Variants in LMF1 observed in about 807,000 individuals in gnomAD.
The protein encoded by LMF1 is transmembrane protein 112.
A neutral mutation model predicts 60.6 loss-of-function variants in LMF1; 68 were observed. The observed-to-expected ratio is 1.12, with a 90% CI of 0.92 to 1.37. The LOEUF (loss-of-function observed/expected upper bound fraction) is 1.37. LMF1 is among the 40% of genes most tolerant of loss of function. The pLI is 0.00. For synonymous variants in LMF1, 418 were observed against 324.7 expected, an observed-to-expected ratio of 1.29 and a Z score of -3.09; for missense variants, 948 against 767.2, an observed-to-expected ratio of 1.24 and a Z score of -2.78.
At chr16:858,972 T>C (rs556304764) in intron 10 of LMF1, among the ~76,000 whole-genome samples, 23 of 84,132 alleles carry the variant, frequency 2.7e-4, no homozygotes, top group African/African-American at 1.5e-3. Context: ...TGCAGTGGTG[T>C]CACGGGACGG....
chr16:953,200 T>C (rs796869180), intron 2 of LMF1, among the ~76,000 whole-genome samples: 2,570 of 36,664 alleles, frequency 0.07, 3 homozygotes, highest in Admixed American at 0.072. Flanking sequence ...GCCTCCTACA[T>C]GTCCACACAG....
At chr16:970,257 G>A (rs2073012844) in intron 1 of LMF1, among the ~76,000 whole-genome samples, 1 of 152,240 alleles carries the variant, frequency 6.6e-6, no homozygotes, top group Non-Finnish European at 1.5e-5. Context: ...TCGGATTTTG[G>A]CAGGGGCCGC....
chr16:863,245 A>G (rs531582748), intron 10 of LMF1, among the ~76,000 whole-genome samples: 2 of 152,254 alleles, frequency 1.3e-5, no homozygotes, highest in East Asian at 1.9e-4. Context: ...GGCTCGAGCA[A>G]TTCTCGTGTT....
At chr16:902,018 T>C (rs961831430) in intron 4 of LMF1, 2 of 152,436 alleles carry the variant, frequency 1.3e-5, no homozygotes, top group African/African-American at 4.8e-5. Context: ...ACAGCCAGCC[T>C]GGCCACCAGC....
At chr16:957,160 T>C (rs1196082020) in intron 1 of LMF1, among the ~76,000 whole-genome samples, 1 of 151,940 alleles carries the variant, frequency 6.6e-6, no homozygotes, top group Non-Finnish European at 1.5e-5. Context: ...AGGAAAAAAA[T>C]CAATTTACAA....
intron 4 of LMF1, among the ~76,000 whole-genome samples, chr16:909,228 C>T (rs2071043187): frequency 6.6e-6 from 1 of 152,100 alleles, no homozygotes; most frequent in East Asian, 1.9e-4. Flanking sequence ...AGGTGAGACG[C>T]AGGGATGTGA....
chr16:874,903 C>T lies in LMF1; in HGVS notation c.898-3562G>A, dbSNP rs2069926769. Among the ~76,000 whole-genome samples the T allele has an allele frequency of 6.6e-6, 1 of 152,170 alleles. No homozygotes were observed. The highest frequency in any genetic ancestry group is 6.5e-5 in the Admixed American group (1 of 15,282). On this transcript the variant is annotated intron_variant, in intron 6 of 10. Transcript: ENST00000262301. The surrounding 1 kb of genome is among the most constrained non-coding windows in gnomAD (Gnocchi z 4.1). ...CTCTCAGCCCCACACCATATCATCC[C>T]CCAGACACCCTCTGCCCTGTACGCC...
chr16:886,089 TC>T (rs2070297766), intron 5 of LMF1, among the ~76,000 whole-genome samples: 1 of 152,256 alleles, frequency 6.6e-6, no homozygotes, highest in Non-Finnish European at 1.5e-5. Flanking sequence ...TAAGGAACTT[TC>T]ATTCCAGTGC....
intron 3 of LMF1, among the ~76,000 whole-genome samples, chr16:928,941 C>CTT (rs1281512247): frequency 6.6e-6 from 1 of 152,224 alleles, no homozygotes; most frequent in Non-Finnish European, 1.5e-5. Context: ...CTCTGGGACT[C>CTT]TATCTGGGCA....
intron 4 of LMF1, among the ~76,000 whole-genome samples, chr16:910,462 G>C (rs895225152): frequency 6.6e-6 from 1 of 152,186 alleles, no homozygotes; most frequent in Non-Finnish European, 1.5e-5. Flanking sequence ...TGAGGAGGCC[G>C]CGCTTTCCCT....
intron 3 of LMF1, 34 bp downstream of exon 3, chr16:934,210 C>T: frequency 6.3e-7 from 1 of 1,599,320 alleles, no homozygotes; most frequent in Non-Finnish European, 8.5e-7. Context: ...ACGCTCAACT[C>T]TCGCAGAGCT....
chr16:915,727 CG>C (rs1426523224), intron 3 of LMF1, among the ~76,000 whole-genome samples: 2 of 152,216 alleles, frequency 1.3e-5, no homozygotes, highest in Non-Finnish European at 2.9e-5. Flanking sequence ...GTTTTCCGGA[CG>C]GAAGTCCTGG....
chr16:888,076 T>C (rs1030183235), intron 5 of LMF1, among the ~76,000 whole-genome samples: 2 of 152,334 alleles, frequency 1.3e-5, no homozygotes, highest in Non-Finnish European at 2.9e-5. Flanking sequence ...CCTGACAGCA[T>C]CCTTCGGCGG....
chr16:926,436 T>C lies in LMF1; in HGVS notation c.514+7808A>G, dbSNP rs2071606061. ...ATATGCATCTGTGTATGTCCATGTG[T>C]GCTCGTGTGTTTGCACAGGATCTGC... On this transcript the variant is annotated intron_variant, in intron 3 of 10. Transcript: ENST00000262301. Among the ~76,000 whole-genome samples, 3 of 152,354 alleles carry C rather than the reference T, an allele frequency of 2.0e-5. No homozygotes were observed. The South Asian group carries it at 6.2e-4, about 32-fold the overall frequency.
At chr16:876,895 A>G (rs1034612647) in intron 6 of LMF1, among the ~76,000 whole-genome samples, 3 of 152,236 alleles carry the variant, frequency 2.0e-5, no homozygotes, top group African/African-American at 7.2e-5. Context: ...AAAGATACAA[A>G]GAACAAAGAG....
chr16:906,181 C>T (rs1406623063), intron 4 of LMF1, among the ~76,000 whole-genome samples: 2 of 152,320 alleles, frequency 1.3e-5, no homozygotes, highest in East Asian at 1.9e-4. Flanking sequence ...TTGATCCTGA[C>T]TTTGGTGTGG....
intron 10 of LMF1, among the ~76,000 whole-genome samples, chr16:857,215 G>C (rs58833625): frequency 6.6e-6 from 1 of 152,224 alleles, no homozygotes; most frequent in African/African-American, 2.4e-5. Flanking sequence ...GACGGCTGCC[G>C]TAAACCTCTG....
intron 2 of LMF1, among the ~76,000 whole-genome samples, chr16:953,376 G>A (rs2072549226): frequency 1.1e-5 from 1 of 89,322 alleles, no homozygotes; most frequent in Non-Finnish European, 2.6e-5. Flanking sequence ...CCCCAAACCA[G>A]CCTCCTACAC....
At chr16:883,412 T>C (rs1234122831) in intron 5 of LMF1, among the ~76,000 whole-genome samples, 1 of 152,262 alleles carries the variant, frequency 6.6e-6, no homozygotes, top group Non-Finnish European at 1.5e-5. Flanking sequence ...AAGATGCTGC[T>C]GCTCTAAGCC....
Sources: gnomAD v4.1 joint callset for allele counts (sites outside exome capture counted in the v4.1 genomes callset) on GRCh38, gnomAD v4.1.1 for gene constraint, Gnocchi (gnomAD v3.1) non-coding constraint, MANE v1.5 for transcripts, NCBI Gene and HGNC (gene_info 2026-07-23, HGNC 2026-07-21) for gene names.